Variants in GALM observed in about 807,000 individuals in gnomAD.
GALM encodes the protein galactose mutarotase.
In GALM, 43 loss-of-function variants were observed where a neutral mutation model predicts 37.4. The ratio of observed to expected loss-of-function variants is 1.15; its 90% CI spans 0.90 to 1.48. The LOEUF is 1.48. Among genes scored for constraint, GALM ranks in the 40% most tolerant of loss-of-function variants. The pLI, the probability that GALM is intolerant of heterozygous loss-of-function variation, is 0.00. For synonymous variants in GALM, 199 were observed against 170.6 expected, an observed-to-expected ratio of 1.17 and a Z score of -1.30; for missense variants, 456 against 419.1, an observed-to-expected ratio of 1.09 and a Z score of -0.77.
chr2:38,730,423 T>C (rs901486135), intron 5 of GALM, among the ~76,000 whole-genome samples: 1 of 152,052 alleles, frequency 6.6e-6, no homozygotes, highest in African/African-American at 2.4e-5. Flanking sequence ...CGTGCCACTA[T>C]GCCCAGCTAA....
At chr2:38,695,919 G>C (rs1206405458) in intron 4 of GALM, among the ~76,000 whole-genome samples, 1 of 151,970 alleles carries the variant, frequency 6.6e-6, no homozygotes, top group Non-Finnish European at 1.5e-5. Context: ...GGCTGATCTT[G>C]AACTCCTGAC....
In GALM at chr2:38,714,473, CAA is replaced by C. The variant is rs538409325; in HGVS notation, c.635-15080_635-15079del. Among the ~76,000 whole-genome samples, 1,367 of 152,232 alleles carry C rather than the reference CAA, an allele frequency of 9.0e-3. 13 individuals are homozygous for C. The highest frequency in any genetic ancestry group is 0.015 in the Non-Finnish European group (1,004 of 68,012). On this transcript the variant is annotated intron_variant, in intron 4 of 6. Transcript: ENST00000272252. Reference sequence around the variant, plus strand: ...CAAGTGATCCGCCCACCTCAGCCTGCAAAAGTACTGGGATTACAGGTGAGCCA... The same window carrying C: ...CAAGTGATCCGCCCACCTCAGCCTGCAAGTACTGGGATTACAGGTGAGCCA...
intron 4 of GALM, among the ~76,000 whole-genome samples, chr2:38,718,015 T>C (rs1666303781): frequency 6.6e-6 from 1 of 150,858 alleles, no homozygotes; most frequent in African/African-American, 2.4e-5. Context: ...TTTCTGTTTT[T>C]TGCAGAGACG....
intron 3 of GALM, among the ~76,000 whole-genome samples, chr2:38,685,868 C>T (rs1665504696): frequency 6.6e-6 from 1 of 151,928 alleles, no homozygotes. Flanking sequence ...CAGGCACGTG[C>T]CCCTGGCTAA....
rs113925359 is a variant in GALM, at chr2:38,685,234, C to G, written c.552+3748C>G. Among the ~76,000 whole-genome samples, 412 of 152,284 alleles carry G rather than the reference C, an allele frequency of 2.7e-3. 4 individuals are homozygous for G. Among genetic ancestry groups the G allele is most frequent in the African/African-American group, 9.6e-3 (400 of 41,552 alleles). ...TTAGGCCATGATGATTGGCTTAGACCAGTCAAAATTTGCCCTCTGGAAATG... is the reference window on the plus strand; with the variant it reads ...TTAGGCCATGATGATTGGCTTAGACGAGTCAAAATTTGCCCTCTGGAAATG... On this transcript the variant is annotated intron_variant, in intron 3 of 6. Transcript: ENST00000272252.
Position 38,666,235 on chromosome 2 carries a change from A to C in GALM, c.74A>C (p.Gln25Pro). Residue 25 changes from glutamine (Q) to proline (P), a missense_variant, in exon 1 of 7, where the codon CAG becomes CCG. Gln to Pro is a moderately conservative substitution (Grantham distance 76, BLOSUM62 -1). Transcript: ENST00000272252. The stretch of plus-strand genomic sequence containing the variant: ...GGGACAGTGGAGAAGTTCCAGCTGC[A>C]GTCAGACCTCTTGAGAGTGGACATC... The part of the protein sequence containing the change: ...GGGTVEKFQL[Q>P]SDLLRVDIIS... 6.2e-7 allele frequency: 1 copy of C among 1,614,076 alleles called. No homozygotes were observed. The highest frequency in any genetic ancestry group is 8.5e-7 in the Non-Finnish European group (1 of 1,179,952).
At chr2:38,732,987 G>C (rs936567918) in intron 6 of GALM, among the ~76,000 whole-genome samples, 11 of 151,070 alleles carry the variant, frequency 7.3e-5, no homozygotes, top group African/African-American at 2.7e-4. Flanking sequence ...TTGAGAGTCT[G>C]AGGCAGGTGT....
chr2:38,679,581 G>T (rs1665346087), intron 2 of GALM, among the ~76,000 whole-genome samples: 1 of 152,100 alleles, frequency 6.6e-6, no homozygotes, highest in Admixed American at 6.6e-5. Flanking sequence ...ATTGACTATT[G>T]AGCACTCAAC....
At chr2:38,695,464 A>G (rs74598244) in intron 4 of GALM, among the ~76,000 whole-genome samples, 3,127 of 152,300 alleles carry the variant, frequency 0.021, 105 homozygotes, top group African/African-American at 0.07. Context: ...CTGGATAATG[A>G]GTTCGTTTTA....
In GALM at chr2:38,703,205, T is replaced by C. The variant is rs1425544028; in HGVS notation, c.634+13311T>C. On this transcript the variant is annotated intron_variant, in intron 4 of 6. Coordinates refer to ENST00000272252, the MANE Select transcript of GALM (RefSeq NM_138801.3). Reference sequence around the variant, plus strand: ...TCACCGCAACCTCTGCCTCCCAGGTTCAAGCGATTCTCCTGCCTCAGCCTC... The same window carrying C: ...TCACCGCAACCTCTGCCTCCCAGGTCCAAGCGATTCTCCTGCCTCAGCCTC... Among the ~76,000 whole-genome samples the C allele has an allele frequency of 1.1e-4, 16 of 140,908 alleles. No homozygotes were observed. The East Asian group carries it at 2.9e-3, about 26-fold the overall frequency. 92.4% of individuals were successfully genotyped at this position (140,908 alleles called of 152,430 possible).
In GALM at chr2:38,731,689, A is replaced by T. The variant is rs779688659; in HGVS notation, c.777-46A>T. ...CGCTTCCCAGCTTCTACTCCTCCCC[A>T]CCTGCTTTTCTGCCCTGGACTCATG... On this transcript the variant is annotated intron_variant, in intron 5 of 6. Coordinates refer to ENST00000272252, the MANE Select transcript of GALM (RefSeq NM_138801.3). 4 of 1,506,476 alleles carry T rather than the reference A, an allele frequency of 2.7e-6. No homozygotes were observed. In the Admixed American group the frequency reaches 6.8e-5, roughly 26 times the overall value. 93.3% of individuals were successfully genotyped at this position (1,506,476 alleles called of 1,614,324 possible).
At chr2:38,673,756 G>A (rs950598214) in intron 1 of GALM, among the ~76,000 whole-genome samples, 5 of 147,646 alleles carry the variant, frequency 3.4e-5, no homozygotes, top group African/African-American at 1.3e-4. Context: ...CTTACAGTGA[G>A]TTGAGATCGT....
In GALM at chr2:38,666,518, A is replaced by G. The variant is rs3821023; in HGVS notation, c.190+167A>G. On this transcript the variant is annotated intron_variant, in intron 1 of 6. Transcript: ENST00000272252. ...ATCATAGAGGGCCGTGTGGCCATCCAGCATTTGGGAAAAACTGTAATAAAT... is the reference window on the plus strand; with the variant it reads ...ATCATAGAGGGCCGTGTGGCCATCCGGCATTTGGGAAAAACTGTAATAAAT... 0.24 allele frequency among the ~76,000 whole-genome samples: 37,004 copies of G among 152,018 alleles called. 6,756 individuals are homozygous for G. The highest frequency in any genetic ancestry group is 0.51 in the African/African-American group (21,061 of 41,338).
chr2:38,701,179 A>C (rs1310804732), intron 4 of GALM, among the ~76,000 whole-genome samples: 3 of 152,194 alleles, frequency 2.0e-5, no homozygotes, highest in African/African-American at 2.4e-5. Flanking sequence ...GCCAGGGATT[A>C]ATTCATTCTC....
At chr2:38,724,518 C>T (rs1666446449) in intron 4 of GALM, among the ~76,000 whole-genome samples, 2 of 152,106 alleles carry the variant, frequency 1.3e-5, no homozygotes, top group South Asian at 2.1e-4. Context: ...AGAGACATGG[C>T]GAATCTGGGG....
chr2:38,668,147 C>T (rs1665003047), intron 1 of GALM: 1 of 152,212 alleles, frequency 6.6e-6, no homozygotes, highest in South Asian at 2.1e-4. Flanking sequence ...TCCCGTGTCA[C>T]ATAAAACTAT....
intron 2 of GALM, among the ~76,000 whole-genome samples, 188 bp from the exon 3 acceptor site, chr2:38,681,092 T>C (rs1038361498): frequency 6.6e-6 from 1 of 151,454 alleles, no homozygotes; most frequent in Non-Finnish European, 1.5e-5. Context: ...ACTGTATCAC[T>C]GCACTGCAGC....
intron 4 of GALM, among the ~76,000 whole-genome samples, chr2:38,709,032 G>T (rs1400458929): frequency 1.3e-5 from 2 of 152,164 alleles, no homozygotes; most frequent in Non-Finnish European, 2.9e-5. Context: ...TGAAGTTGGG[G>T]TTTTATCAGA....
intron 4 of GALM, among the ~76,000 whole-genome samples, chr2:38,703,207 A>C (rs1447084649): frequency 7.1e-6 from 1 of 140,948 alleles, no homozygotes; most frequent in Non-Finnish European, 1.5e-5. Flanking sequence ...TCCCAGGTTC[A>C]AGCGATTCTC....
Sources: gnomAD v4.1 joint callset for allele counts (sites outside exome capture counted in the v4.1 genomes callset) on GRCh38, gnomAD v4.1.1 for gene constraint, MANE v1.5 for transcripts, NCBI Gene and HGNC (gene_info 2026-07-23, HGNC 2026-07-21) for gene names.